Variants in AKAP8 observed in about 807,000 individuals in gnomAD.
AKAP8 encodes the protein A-kinase anchoring protein 8.
A neutral mutation model predicts 67.5 loss-of-function variants in AKAP8; 24 were observed. The observed-to-expected ratio is 0.36, with a 90% CI of 0.26 to 0.50. AKAP8 has a LOEUF of 0.50. Among genes scored for constraint, AKAP8 ranks in the 20% least tolerant of loss-of-function variants. The pLI, the probability that AKAP8 is intolerant of heterozygous loss-of-function variation, is 0.97. For synonymous variants in AKAP8, 400 were observed against 371.1 expected, an observed-to-expected ratio of 1.08 and a Z score of -0.90; for missense variants, 971 against 955.9, an observed-to-expected ratio of 1.02 and a Z score of -0.21.
In AKAP8 at chr19:15,360,848, C is replaced by T. The variant is rs1373579829; in HGVS notation, c.1527G>A (p.Arg509=). 1 of 1,612,086 alleles carries T rather than the reference C, an allele frequency of 6.2e-7. No individual in the cohort carries two copies. Among genetic ancestry groups the T allele is most frequent in the Non-Finnish European group, 8.5e-7 (1 of 1,179,228 alleles). Reference sequence around the variant, plus strand: ...AGGCAGTGTGGGGAGGAAGACTCACCCTGCGGTTGTGATTGTGGTCCACGG... The same window carrying T: ...AGGCAGTGTGGGGAGGAAGACTCACTCTGCGGTTGTGATTGTGGTCCACGG... ...LHSVDHNHNR[R]LAAEQFKKTS... Residue 509 remains arginine, a splice_region_variant and synonymous_variant, in exon 12 of 14, where the codon AGG becomes AGA. Coordinates refer to ENST00000269701, the MANE Select transcript of AKAP8 (RefSeq NM_005858.4).
intron 13 of AKAP8, among the ~76,000 whole-genome samples, chr19:15,358,068 G>A (rs1599555655): frequency 6.6e-6 from 1 of 152,162 alleles, no homozygotes; most frequent in African/African-American, 2.4e-5. Context: ...GTAACTGAGA[G>A]GAGGGCAAAG....
At position 15,369,323 on chromosome 19, in the gene AKAP8, G is replaced by T; in HGVS notation, c.1072+823C>A. On this transcript the variant is annotated intron_variant, in intron 8 of 13. Coordinates refer to ENST00000269701, the MANE Select transcript of AKAP8 (RefSeq NM_005858.4). This position sits in a 1 kb window ranked among gnomAD's most constrained non-coding sequence, Gnocchi z 4.6. ...CAGGACTGCTGCGGGTCGCGGGGGGGAGGACCGCAGAGGGCTGGCAAAGCC... is the reference window on the plus strand; with the variant it reads ...CAGGACTGCTGCGGGTCGCGGGGGGTAGGACCGCAGAGGGCTGGCAAAGCC... 1 of 926,172 alleles carries T rather than the reference G, an allele frequency of 1.1e-6. No individual in the cohort carries two copies. The highest frequency in any genetic ancestry group is 1.3e-6 in the Non-Finnish European group (1 of 775,892). 57.4% of individuals were successfully genotyped at this position (926,172 alleles called of 1,614,324 possible).
At position 15,355,265 on chromosome 19, in the gene AKAP8, C is replaced by T. The variant is rs138652097; in HGVS notation, c.1729G>A (p.Val577Ile). 6 of 1,612,730 alleles carry T rather than the reference C, an allele frequency of 3.7e-6. No homozygotes were observed. The highest frequency in any genetic ancestry group is 2.7e-5 in the African/African-American group (2 of 74,938). ...KETPEEVAAD[V>I]LAEVITAAVR... ...GCTGCTGTAATCACCTCTGCTAAGACGTCCGCGGCCACCTCCTCAGGTGTC... is the reference window on the plus strand; with the variant it reads ...GCTGCTGTAATCACCTCTGCTAAGATGTCCGCGGCCACCTCCTCAGGTGTC... The change falls in exon 14 of 14, where the codon GTC (valine) becomes ATC (isoleucine). Residue 577 changes from valine (V) to isoleucine (I), a missense_variant. Physicochemically the swap from Val to Ile is conservative, Grantham distance 29 (BLOSUM62 3). Transcript: ENST00000269701.
intron 9 of AKAP8, 55 bp from the exon 10 acceptor site, chr19:15,362,306 A>C: frequency 1.3e-6 from 2 of 1,597,540 alleles, no homozygotes; most frequent in Non-Finnish European, 1.7e-6. Flanking sequence ...CGAGTGAAGC[A>C]GGGGGCATCA....
At position 15,376,990 on chromosome 19, in the gene AKAP8, G is replaced by A. The variant is rs781152033; in HGVS notation, c.44C>T (p.Pro15Leu). Residue 15 changes from proline (P) to leucine (L), a missense_variant, in exon 2 of 14, where the codon CCT becomes CTT. Pro to Leu is a moderately conservative substitution (Grantham distance 98). This residue lies in a region of AKAP8 where 763 missense variants were observed against 745.4 expected (regional missense o/e 1.02). Coordinates refer to ENST00000269701, the MANE Select transcript of AKAP8 (RefSeq NM_005858.4). ...YGGYGAWSAGPANTQGAYGTG... is the reference protein window; with the variant it reads ...YGGYGAWSAGLANTQGAYGTG... Reference sequence around the variant, plus strand: ...AGCCCACTTACCCTGGGTGTTGGCAGGTCCAGCACTCCACGCCCCGTAGCC... The same window carrying A: ...AGCCCACTTACCCTGGGTGTTGGCAAGTCCAGCACTCCACGCCCCGTAGCC... 2.2e-5 allele frequency: 36 copies of A among 1,613,060 alleles called. No homozygotes were observed. The Admixed American group carries it at 5.5e-4, about 25-fold the overall frequency.
chr19:15,361,003 G>A, intron 11 of AKAP8, 25 bp from the exon 12 acceptor site: 1 of 1,608,960 alleles, frequency 6.2e-7, no homozygotes, highest in Non-Finnish European at 8.5e-7. Flanking sequence ...ATGTCTTGTA[G>A]GATCTGGGAC....
rs375568292 is a variant in AKAP8, at chr19:15,373,972, T to C, written c.185A>G (p.Lys62Arg). Residue 62 changes from lysine to arginine, a missense_variant, in exon 4 of 14, where the codon AAG (lysine) becomes AGG (arginine). Lys to Arg is a conservative substitution (Grantham distance 26). Transcript: ENST00000269701. The stretch of plus-strand genomic sequence containing the variant: ...GGCCGCCAGGCCGCCATCATTGGCC[T>C]TGGCGGCCTCCCACGAGGCTGGGCC... ...SYGPASWEAA[K>R]ANDGGLAAGA... The C allele has an allele frequency of 3.1e-6, 5 of 1,613,362 alleles. No homozygotes were observed. In the African/African-American group the frequency reaches 6.7e-5, roughly 22 times the overall value.
intron 5 of AKAP8, 143 bp from the exon 6 acceptor site, chr19:15,372,490 T>A: frequency 3.2e-6 from 4 of 1,254,836 alleles, no homozygotes; most frequent in South Asian, 1.6e-5. Context: ...AATTTGAAAC[T>A]AAAAAGAAAA....
At chr19:15,356,164 G>A (rs2048277113) in intron 13 of AKAP8, among the ~76,000 whole-genome samples, 1 of 151,998 alleles carries the variant, frequency 6.6e-6, no homozygotes, top group Non-Finnish European at 1.5e-5. Context: ...ACTTTGGGAG[G>A]CCAAGATGGG....
chr19:15,366,154 G>GAAAAAAAAAAAAAAGAAAAAAGA (rs374068497), intron 9 of AKAP8, among the ~76,000 whole-genome samples: 1 of 95,032 alleles, frequency 1.1e-5, no homozygotes, highest in Non-Finnish European at 1.9e-5. Context: ...AAAGCAAAAA[G>GAAAAAAAAAAAAAAGAAAAAAGA]AAAAAAAAAA....
At chr19:15,374,320 G>A (rs994178454) in intron 3 of AKAP8, among the ~76,000 whole-genome samples, 7 of 152,208 alleles carry the variant, frequency 4.6e-5, no homozygotes, top group Admixed American at 1.3e-4. Flanking sequence ...TCAAAGCCGG[G>A]TGACTGAGAG....
At chr19:15,372,606 G>A (rs1599570004) in intron 5 of AKAP8, among the ~76,000 whole-genome samples, 1 of 152,140 alleles carries the variant, frequency 6.6e-6, no homozygotes, top group Non-Finnish European at 1.5e-5. Flanking sequence ...GGTGGTTGTC[G>A]GGGGCTGGTG....
At position 15,373,830 on chromosome 19, in the gene AKAP8, C is replaced by A. The variant is rs141962668; in HGVS notation, c.327G>T (p.Arg109Ser). 176 of 1,612,126 alleles carry A rather than the reference C, an allele frequency of 1.1e-4. No homozygotes were observed. The highest frequency in any genetic ancestry group is 5.9e-4 in the South Asian group (54 of 91,008). ...CCTCCCCACCGCCGCCGCTCCCGCC[C>A]CTGCCTCCTTCCTTGGACATCATGT... is the stretch of plus-strand genomic sequence containing the variant. Reference protein sequence around the residue: ...RLDMMSKEGGRGGSGGGGEGI... With the variant: ...RLDMMSKEGGSGGSGGGGEGI... Residue 109 changes from arginine (R) to serine (S), a missense_variant, in exon 4 of 14, where the codon AGG becomes AGT. Around this residue, in one of 3 missense-constraint regions of AKAP8, gnomAD observed 763 missense variants for 745.4 expected, o/e 1.02. Transcript: ENST00000269701.
At position 15,355,249 on chromosome 19, in the gene AKAP8, A is replaced by G; in HGVS notation, c.1745T>C (p.Ile582Thr). ...ATCTACGGCCCTCACTGCTGCTGTA[A>G]TCACCTCTGCTAAGACGTCCGCGGC... is the stretch of plus-strand genomic sequence containing the variant. ...EVAADVLAEV[I>T]TAAVRAVDGE... is the part of the protein sequence containing the mutation. Residue 582 changes from isoleucine to threonine, a missense_variant, in exon 14 of 14, where the codon ATT becomes ACT. Around this residue, in one of 3 missense-constraint regions of AKAP8, gnomAD observed 204 missense variants for 193.0 expected, o/e 1.06. Coordinates refer to ENST00000269701, the MANE Select transcript of AKAP8 (RefSeq NM_005858.4). The G allele has an allele frequency of 6.2e-7, 1 of 1,612,136 alleles. No individual in the cohort carries two copies. The highest frequency in any genetic ancestry group is 8.5e-7 in the Non-Finnish European group (1 of 1,179,986).
At position 15,373,800 on chromosome 19, in the gene AKAP8, T is replaced by C; in HGVS notation, c.357A>G (p.Ile119Met). The C allele has an allele frequency of 6.2e-7, 1 of 1,609,626 alleles. No individual in the cohort carries two copies. ...RGGSGGGGEG[I>M]QDRESSFRFQ... ...TCCATAATCACCTCTCCCGGTCCTG[T>C]ATGCCCTCCCCACCGCCGCCGCTCC... Residue 119 changes from isoleucine (I) to methionine (M), a missense_variant, in exon 4 of 14, where the codon ATA becomes ATG. This residue lies in a region of AKAP8 where 763 missense variants were observed against 745.4 expected (regional missense o/e 1.02). Transcript: ENST00000269701.
At chr19:15,365,306 C>T (rs1048326220) in intron 9 of AKAP8, among the ~76,000 whole-genome samples, 1 of 152,236 alleles carries the variant, frequency 6.6e-6, no homozygotes, top group African/African-American at 2.4e-5. Flanking sequence ...TGAGACTACA[C>T]GTAAAGACAT....
chr19:15,372,316 G>A lies in AKAP8; in HGVS notation c.893C>T (p.Pro298Leu), dbSNP rs199931184. The A allele has an allele frequency of 5.0e-6, 8 of 1,614,030 alleles. No homozygotes were observed. Among genetic ancestry groups the A allele is most frequent in the Non-Finnish European group, 6.8e-6 (8 of 1,180,050 alleles). ...CTTCCGTTTCCTGCCCGTGCCATCT[G>A]GTCCGAAGCGGTCAAACCCTCTCCT... is the stretch of plus-strand genomic sequence containing the variant. ...PKRRGFDRFG[P>L]DGTGRKRKQF... Residue 298 changes from proline to leucine, a missense_variant, in exon 6 of 14, where the codon CCA (proline) becomes CTA (leucine). By Grantham distance (98) the Pro-to-Leu change is moderately conservative. Around this residue, in one of 3 missense-constraint regions of AKAP8, gnomAD observed 763 missense variants for 745.4 expected, o/e 1.02. Coordinates refer to ENST00000269701, the MANE Select transcript of AKAP8 (RefSeq NM_005858.4).
Position 15,372,350 on chromosome 19 carries a change from A to C in AKAP8, c.862-3T>G. 1 of 1,614,142 alleles carries C rather than the reference A, an allele frequency of 6.2e-7. No homozygotes were observed. Among genetic ancestry groups the C allele is most frequent in the Non-Finnish European group, 8.5e-7 (1 of 1,179,990 alleles). On this transcript the variant is annotated splice_polypyrimidine_tract_variant and splice_region_variant and intron_variant, in intron 5 of 13. Coordinates refer to ENST00000269701, the MANE Select transcript of AKAP8 (RefSeq NM_005858.4). The stretch of plus-strand genomic sequence containing the variant: ...CGGTCAAACCCTCTCCTCTTGGGCT[A>C]CAGACAACAAGCACACCCCATGAGC...
rs749235652 is a variant in AKAP8, at chr19:15,355,238, C to T, written c.1756G>A (p.Val586Met). ...GCTCCTTCCCCATCTACGGCCCTCA[C>T]TGCTGCTGTAATCACCTCTGCTAAG... ...DVLAEVITAA[V>M]RAVDGEGAPA... is the part of the protein sequence containing the mutation. Residue 586 changes from valine to methionine, a missense_variant, in exon 14 of 14, where the codon GTG becomes ATG. This residue lies in a region of AKAP8 where 204 missense variants were observed against 193.0 expected (regional missense o/e 1.06). Coordinates refer to ENST00000269701, the MANE Select transcript of AKAP8 (RefSeq NM_005858.4). 1 of 1,611,872 alleles carries T rather than the reference C, an allele frequency of 6.2e-7. No individual in the cohort carries two copies. The highest frequency in any genetic ancestry group is 1.1e-5 in the South Asian group (1 of 91,088).
Sources: gnomAD v4.1 joint callset for allele counts (sites outside exome capture counted in the v4.1 genomes callset) on GRCh38, gnomAD v4.1.1 for gene constraint, gnomAD v4.1.1 regional missense constraint, Gnocchi (gnomAD v3.1) non-coding constraint, MANE v1.5 for transcripts, NCBI Gene and HGNC (gene_info 2026-07-23, HGNC 2026-07-21) for gene names.